SLC28A3: variants seen among roughly 807,000 people sequenced by gnomAD.
SLC28A3 encodes solute carrier family 28 member 3, also known as concentrative Na(+)-nucleoside cotransporter 3.
Under a neutral mutation model 84.2 loss-of-function variants are expected in SLC28A3, and 68 were observed. That is an observed-to-expected ratio of 0.81 (90% CI 0.66 to 0.99). SLC28A3 has a LOEUF of 0.99. SLC28A3 is among the 50% of genes least tolerant of loss of function. SLC28A3 has a pLI of 0.00. For missense variants in SLC28A3, 712 were observed against 841.5 expected, an observed-to-expected ratio of 0.85 and a Z score of 1.90; for synonymous variants, 267 against 303.6, an observed-to-expected ratio of 0.88 and a Z score of 1.25.
intron 1 of SLC28A3, among the ~76,000 whole-genome samples, chr9:84,334,156 G>A (rs565060416): frequency 3.9e-5 from 6 of 152,052 alleles, no homozygotes; most frequent in Admixed American, 3.9e-4. Context: ...AATACAAGCC[G>A]GGCCTGGTGG....
intron 1 of SLC28A3, among the ~76,000 whole-genome samples, chr9:84,328,095 C>A (rs1366234873): frequency 6.9e-6 from 1 of 144,554 alleles, no homozygotes. Flanking sequence ...AAGAATTAAA[C>A]CAATACACTA....
At chr9:84,363,677 C>A in the SLC28A3 span, among the ~76,000 whole-genome samples, 1 of 152,150 alleles carries the variant, frequency 6.6e-6, no homozygotes, top group Non-Finnish European at 1.5e-5. Context: ...GTGCCCCACC[C>A]CAGACATTCT....
chr9:84,349,439 G>A, the SLC28A3 span, among the ~76,000 whole-genome samples: 1 of 152,216 alleles, frequency 6.6e-6, no homozygotes, highest in East Asian at 1.9e-4. Context: ...GTTTCACCAT[G>A]TTGGCCAAGC....
chr9:84,312,751 C>T (rs1304088536), intron 2 of SLC28A3, among the ~76,000 whole-genome samples: 1 of 152,030 alleles, frequency 6.6e-6, no homozygotes, highest in Non-Finnish European at 1.5e-5. Flanking sequence ...GTTGGCCAGG[C>T]TGGTCTTGAA....
chr9:84,288,330 C>G (rs1825080072), intron 11 of SLC28A3, 152 bp from the exon 12 acceptor site: 1 of 1,152,842 alleles, frequency 8.7e-7, no homozygotes, highest in Non-Finnish European at 1.2e-6. Context: ...AAGAGCCACT[C>G]TAGCTCATTG....
chr9:84,333,660 A>C (rs76940186), intron 1 of SLC28A3, among the ~76,000 whole-genome samples: 8,495 of 152,292 alleles, frequency 0.056, 274 homozygotes, highest in Non-Finnish European at 0.07. Flanking sequence ...TCAGCTGAAT[A>C]ATGATGAGAA....
intron 1 of SLC28A3, among the ~76,000 whole-genome samples, chr9:84,336,985 A>C (rs1339698742): frequency 6.6e-6 from 1 of 152,066 alleles, no homozygotes; most frequent in African/African-American, 2.4e-5. Context: ...CTCCAGCTAT[A>C]TATTATTTAC....
chr9:84,342,770 C>T (rs924563447), upstream of SLC28A3, among the ~76,000 whole-genome samples: 1 of 152,102 alleles, frequency 6.6e-6, no homozygotes, highest in African/African-American at 2.4e-5. Flanking sequence ...CAATTATTTA[C>T]ATTAAAATAA....
At chr9:84,296,819 C>T (rs1825432304) in intron 8 of SLC28A3, among the ~76,000 whole-genome samples, 1 of 152,192 alleles carries the variant, frequency 6.6e-6, no homozygotes, top group South Asian at 2.1e-4. Context: ...CTTTCGAATA[C>T]AGAGCTGTCA....
chr9:84,344,692 A>T (rs1000953763), upstream of SLC28A3, among the ~76,000 whole-genome samples: 8 of 151,966 alleles, frequency 5.3e-5, no homozygotes, highest in Admixed American at 2.0e-4. Context: ...CACAATCTTT[A>T]TCTTAGCCTG....
chr9:84,295,645 C>G (rs1185873122), intron 8 of SLC28A3, among the ~76,000 whole-genome samples: 1 of 152,060 alleles, frequency 6.6e-6, no homozygotes, highest in African/African-American at 2.4e-5. Flanking sequence ...TTTCCTAGAT[C>G]CTATTTTCCT....
At chr9:84,290,565 G>A (rs1022822563) in intron 10 of SLC28A3, among the ~76,000 whole-genome samples, 6 of 152,134 alleles carry the variant, frequency 3.9e-5, no homozygotes, top group Admixed American at 6.6e-5. Context: ...CGACGTCTGG[G>A]TTATTTGAAC....
At chr9:84,309,391 C>T (rs1451473573) in intron 3 of SLC28A3, among the ~76,000 whole-genome samples, 1 of 151,542 alleles carries the variant, frequency 6.6e-6, no homozygotes, top group African/African-American at 2.4e-5. Context: ...GGCGTGGTGG[C>T]ATGCGCCTGT....
rs960715275 is a variant in SLC28A3 at position 84,286,225 on chromosome 9, T to C, written c.1281-114A>G. 1.1e-5 allele frequency: 11 copies of C among 978,696 alleles called. No homozygotes were observed. In the African/African-American group the frequency reaches 1.6e-4, roughly 15 times the overall value. The allele number at this position is 978,696 out of a possible 1,614,324, so 60.6% of individuals were successfully genotyped here. On this transcript the variant is annotated intron_variant, in intron 12 of 17. Transcript: ENST00000376238. ...GATAAGAGACAAACTCTAAGGCCCC[T>C]GCCTTGCTCAAAATACTCACCTGAA...
chr9:84,295,350 T>C (rs12345329), intron 8 of SLC28A3, among the ~76,000 whole-genome samples: 16,465 of 152,154 alleles, frequency 0.11, 2,060 homozygotes, highest in African/African-American at 0.29. Flanking sequence ...TTTGGGATGC[T>C]GAGGCGGGCG....
intron 16 of SLC28A3, among the ~76,000 whole-genome samples, chr9:84,279,685 C>T (rs1048132854): frequency 5.3e-5 from 8 of 152,228 alleles, no homozygotes; most frequent in Non-Finnish European, 7.3e-5. Context: ...AAACTCCTGA[C>T]ATCAGGTGAC....
At chr9:84,361,220 T>C in the SLC28A3 span, among the ~76,000 whole-genome samples, 1 of 152,122 alleles carries the variant, frequency 6.6e-6, no homozygotes, top group East Asian at 1.9e-4. Flanking sequence ...TTGTGGGCGC[T>C]TGTAATCCCA....
the SLC28A3 span, among the ~76,000 whole-genome samples, chr9:84,360,794 G>A: frequency 1.3e-5 from 2 of 152,026 alleles, no homozygotes; most frequent in Non-Finnish European, 2.9e-5. Flanking sequence ...GTGCGCACCT[G>A]TAGTCTTGCT....
chr9:84,320,042 T>TTTTTTTTTTTG (rs1826314418), intron 1 of SLC28A3, among the ~76,000 whole-genome samples: 2 of 95,418 alleles, frequency 2.1e-5, no homozygotes, highest in Admixed American at 2.1e-4. Flanking sequence ...CTTGCACTGT[T>TTTTTTTTTTTG]TTTTTTTTTT....
Sources: gnomAD v4.1 joint callset for allele counts (sites outside exome capture counted in the v4.1 genomes callset) on GRCh38, gnomAD v4.1.1 for gene constraint, MANE v1.5 for transcripts, NCBI Gene and HGNC (gene_info 2026-07-23, HGNC 2026-07-21) for gene names.